The following HRH2 variants were observed in gnomAD, a reference collection of about 807,000 sequenced individuals.
The protein encoded by HRH2 is histamine H2 receptor.
Under a neutral mutation model 20.1 loss-of-function variants are expected in HRH2, and 4 were observed. The ratio of observed to expected loss-of-function variants is 0.20; its 90% confidence interval spans 0.10 to 0.45. The LOEUF is 0.45. HRH2 is among the 20% of genes least tolerant of loss of function. The probability of loss-of-function intolerance (pLI) is 0.99; values close to 1 mark genes in which losing one functional copy is unlikely to be tolerated. For synonymous variants in HRH2, 197 were observed against 200.7 expected (o/e 0.98, Z 0.16); for missense variants, 250 against 461.6 (o/e 0.54, Z 4.20).
intron 1 of HRH2, among the ~76,000 whole-genome samples, chr5:175,674,982 T>C (rs1315841568): frequency 6.6e-6 from 1 of 152,158 alleles, no homozygotes; most frequent in East Asian, 1.9e-4. Flanking sequence ...AAGCCCAAAG[T>C]CCTTTCTCCA....
intron 1 of HRH2, among the ~76,000 whole-genome samples, chr5:175,682,007 C>CA (rs778623655): frequency 2.4e-4 from 37 of 151,882 alleles, no homozygotes; most frequent in Non-Finnish European, 4.9e-4. Context: ...GGAAAAAAAT[C>CA]AAAAAAAGGA....
intron 2 of HRH2, 95 bp downstream of exon 2, chr5:175,684,404 G>A: frequency 6.6e-7 from 1 of 1,512,884 alleles, no homozygotes; most frequent in Non-Finnish European, 8.9e-7. Flanking sequence ...AGGTGGTGCT[G>A]GTTTATGTTC....
chr5:175,697,201 C>T (rs1394123156), intron 2 of HRH2, among the ~76,000 whole-genome samples: 3 of 152,122 alleles, frequency 2.0e-5, no homozygotes, highest in African/African-American at 4.8e-5. Flanking sequence ...CGGTGGCTCA[C>T]GCCTGTAATC....
chr5:175,681,608 G>T lies in HRH2; in HGVS notation c.-525-1101G>T, dbSNP rs183659045. Among the ~76,000 whole-genome samples, 22 of 152,296 alleles carry T rather than the reference G, an allele frequency of 1.4e-4. No individual in the cohort carries two copies. The highest frequency in any genetic ancestry group is 3.9e-4 in the Admixed American group (6 of 15,306). ...CCTTGGAGATTACCTAGTGACCAGGGGCTCTTATTTAATCAAGAGGCATTG... is the reference window on the plus strand; with the variant it reads ...CCTTGGAGATTACCTAGTGACCAGGTGCTCTTATTTAATCAAGAGGCATTG... On this transcript the variant is annotated intron_variant, in intron 1 of 2. Transcript: ENST00000636584. This position sits in a 1 kb window ranked among gnomAD's most constrained non-coding sequence, Gnocchi z 4.3.
intron 2 of HRH2, among the ~76,000 whole-genome samples, chr5:175,696,147 C>T (rs568294815): frequency 2.0e-4 from 30 of 152,332 alleles, no homozygotes; most frequent in Non-Finnish European, 3.2e-4. Flanking sequence ...TGTGAGCCAC[C>T]GTTGGCATGA....
At chr5:175,692,916 G>A (rs1470450870) in intron 2 of HRH2, among the ~76,000 whole-genome samples, 1 of 152,228 alleles carries the variant, frequency 6.6e-6, no homozygotes, top group Non-Finnish European at 1.5e-5. Context: ...GGCAAATTCG[G>A]TAAAGCGTGT....
chr5:175,669,901 T>C (rs771754590), intron 1 of HRH2, among the ~76,000 whole-genome samples: 8 of 152,206 alleles, frequency 5.3e-5, no homozygotes, highest in Non-Finnish European at 1.0e-4. Context: ...AATCCTGCCT[T>C]TACCGTTCAT....
intron 2 of HRH2, among the ~76,000 whole-genome samples, chr5:175,704,493 A>T (rs1294794438): frequency 6.6e-6 from 1 of 152,198 alleles, no homozygotes; most frequent in African/African-American, 2.4e-5. Flanking sequence ...TCTGAATGGA[A>T]GGAAACTTCC....
At chr5:175,662,436 A>G (rs991635090) in intron 1 of HRH2, among the ~76,000 whole-genome samples, 1 of 152,186 alleles carries the variant, frequency 6.6e-6, no homozygotes. Flanking sequence ...ATCCTGTCCC[A>G]AATGTCAATA....
intron 1 of HRH2, among the ~76,000 whole-genome samples, chr5:175,680,214 G>A (rs1581430671): frequency 6.6e-6 from 1 of 152,208 alleles, no homozygotes; most frequent in African/African-American, 2.4e-5. Context: ...CAGGTGCATT[G>A]CCACGGGCTG....
At position 175,693,544 on chromosome 5, in the gene HRH2, G is replaced by A. The variant is rs1368240768; in HGVS notation, c.1076+9235G>A. Among the ~76,000 whole-genome samples, 1 of 152,222 alleles carries A rather than the reference G, an allele frequency of 6.6e-6. No individual in the cohort carries two copies. Among genetic ancestry groups the A allele is most frequent in the Admixed American group, 6.5e-5 (1 of 15,284 alleles). On this transcript the variant is annotated intron_variant, in intron 2 of 2. Transcript: ENST00000636584. The surrounding 1 kb of genome is among the most constrained non-coding windows in gnomAD (Gnocchi z 4.4). ...TGACCACATCCCTTTGTTACCCAGGGTGGGTGGACTGGCTGTCCCCAGTGC... is the reference window on the plus strand; with the variant it reads ...TGACCACATCCCTTTGTTACCCAGGATGGGTGGACTGGCTGTCCCCAGTGC...
intron 2 of HRH2, among the ~76,000 whole-genome samples, chr5:175,701,933 CG>C (rs1382503000): frequency 2.0e-5 from 3 of 152,112 alleles, no homozygotes; most frequent in Admixed American, 6.5e-5. Flanking sequence ...GCCGTGGGAC[CG>C]TGAAGGGGGT....
At position 175,708,298 on chromosome 5, in the gene HRH2, G is replaced by T. The variant is rs188062735; in HGVS notation, c.*327G>T. On this transcript the variant is annotated 3_prime_UTR_variant, in exon 3 of 3. Coordinates refer to ENST00000636584, the MANE Select transcript of HRH2 (RefSeq NM_001367711.1). ...GATGCGTGCACATGTGTGTGCATGGGTGCATACGTGTAGGGACGTGCATGA... is the reference window on the plus strand; with the variant it reads ...GATGCGTGCACATGTGTGTGCATGGTTGCATACGTGTAGGGACGTGCATGA... The T allele has an allele frequency of 6.1e-4, 142 of 234,658 alleles. 2 individuals carry two copies. In the East Asian group the frequency reaches 8.9e-3, roughly 15 times the overall value. The allele number at this position is 234,658 out of a possible 1,614,324, so 14.5% of individuals were successfully genotyped here.
Position 175,663,384 on chromosome 5 carries a change from G to A in HRH2, c.-526+5229G>A, listed in dbSNP as rs138323118. Among the ~76,000 whole-genome samples the A allele has an allele frequency of 3.7e-4, 57 of 152,232 alleles. No homozygotes were observed. In the East Asian group the frequency reaches 9.1e-3, roughly 24 times the overall value. Reference sequence around the variant, plus strand: ...TGTGAAGTCGTGTCATTGTGGTTTCGGTTTACATTTCCCTGAGGGCTAATG... The same window carrying A: ...TGTGAAGTCGTGTCATTGTGGTTTCAGTTTACATTTCCCTGAGGGCTAATG... On this transcript the variant is annotated intron_variant, in intron 1 of 2. Transcript: ENST00000636584.
chr5:175,664,848 G>T (rs1234687645), intron 1 of HRH2, among the ~76,000 whole-genome samples: 1 of 152,168 alleles, frequency 6.6e-6, no homozygotes, highest in Non-Finnish European at 1.5e-5. Context: ...ATGTTGCCCA[G>T]GCTGGTCTCA....
chr5:175,682,546 T>A (rs1194564920), intron 1 of HRH2, among the ~76,000 whole-genome samples, 163 bp from the exon 2 acceptor site: 1 of 152,102 alleles, frequency 6.6e-6, no homozygotes, highest in Non-Finnish European at 1.5e-5. Flanking sequence ...CCAGTATGTA[T>A]CCTGATTGCC....
chr5:175,697,116 T>C (rs1756618241), intron 2 of HRH2, among the ~76,000 whole-genome samples: 1 of 152,162 alleles, frequency 6.6e-6, no homozygotes, highest in Non-Finnish European at 1.5e-5. Context: ...GAGCACACAC[T>C]ACATGCTCAA....
rs1161427158 is a variant in HRH2 at position 175,693,617 on chromosome 5, T to C, written c.1076+9308T>C. Among the ~76,000 whole-genome samples, 6 of 152,310 alleles carry C rather than the reference T, an allele frequency of 3.9e-5. No homozygotes were observed. Among genetic ancestry groups the C allele is most frequent in the Middle Eastern group, 3.4e-3 (1 of 294 alleles). On this transcript the variant is annotated intron_variant, in intron 2 of 2. Transcript: ENST00000636584. The surrounding 1 kb of genome is among the most constrained non-coding windows in gnomAD (Gnocchi z 4.4). ...CCTTCTCATGCTGAATCTGGAGACG[T>C]AGAGTTTTAAAACTTACTGTGAAAA...
intron 1 of HRH2, among the ~76,000 whole-genome samples, chr5:175,666,068 C>T (rs1166952211): frequency 1.4e-4 from 22 of 152,170 alleles, no homozygotes; most frequent in Admixed American, 1.4e-3. Flanking sequence ...TGTAGTGGCT[C>T]CCCATCCAGC....
Sources: gnomAD v4.1 joint callset for allele counts (sites outside exome capture counted in the v4.1 genomes callset) on GRCh38, gnomAD v4.1.1 for gene constraint, Gnocchi (gnomAD v3.1) non-coding constraint, MANE v1.5 for transcripts, NCBI Gene and HGNC (gene_info 2026-07-23, HGNC 2026-07-21) for gene names.